Variants in ABCG5 observed in about 807,000 individuals in gnomAD.
The protein encoded by ABCG5 is ATP-binding cassette sub-family G member 5.
A neutral mutation model predicts 64.5 loss-of-function variants in ABCG5; 64 were observed. The observed-to-expected ratio is 0.99, with a 90% CI of 0.81 to 1.22. The LOEUF (loss-of-function observed/expected upper bound fraction) is 1.22, where lower values mean the gene tolerates loss of function less well. Among genes scored for constraint, ABCG5 ranks in the 50% most tolerant of loss-of-function variants. The probability of loss-of-function intolerance (pLI) is 0.00; values close to 1 mark genes in which losing one functional copy is unlikely to be tolerated. For missense variants in ABCG5, 908 were observed against 829.5 expected, an observed-to-expected ratio of 1.09 and a Z score of -1.16; for synonymous variants, 385 against 326.3, an observed-to-expected ratio of 1.18 and a Z score of -1.94.
At chr2:43,811,739 C>A (rs182279422), downstream of ABCG5, among the ~76,000 whole-genome samples, 3 of 152,002 alleles carry the variant, frequency 2.0e-5, no homozygotes, top group African/African-American at 7.2e-5. Flanking sequence ...GGACTACAGG[C>A]GCCTGCCACC....
chr2:43,825,099 G>C (rs1376603566), intron 6 of ABCG5, 81 bp from the exon 7 acceptor site: 5 of 1,552,870 alleles, frequency 3.2e-6, no homozygotes, highest in Non-Finnish European at 4.4e-6. Context: ...CACTGATGCA[G>C]GGCCAAGGTC....
intron 4 of ABCG5, among the ~76,000 whole-genome samples, chr2:43,830,363 AG>A (rs1278379919): frequency 6.6e-6 from 1 of 152,238 alleles, no homozygotes; most frequent in Non-Finnish European, 1.5e-5. Context: ...TATTTTTTAT[AG>A]AGGAGAAAAC....
At position 43,824,977 on chromosome 2, in the gene ABCG5, A is replaced by T; in HGVS notation, c.816T>A (p.Ile272=). 1 of 1,614,046 alleles carries T rather than the reference A, an allele frequency of 6.2e-7. No homozygotes were observed. Among genetic ancestry groups the T allele is most frequent in the Non-Finnish European group, 8.5e-7 (1 of 1,179,954 alleles). The change falls in exon 7 of 13, where the codon ATT becomes ATA. Residue 272 remains isoleucine (I), a synonymous_variant. Coordinates refer to ENST00000405322, the MANE Select transcript of ABCG5 (RefSeq NM_022436.3). The stretch of plus-strand genomic sequence containing the variant: ...GCATTTCCGCTGGCGTGCCACAGAA[A>T]ATCAGCTCTCCGAAGCTCAGGATGG... The part of the protein sequence containing the change: ...KIAILSFGEL[I]FCGTPAEMLD...
intron 10 of ABCG5, 78 bp downstream of exon 10, chr2:43,822,719 G>C: frequency 6.7e-7 from 1 of 1,492,712 alleles, no homozygotes; most frequent in Non-Finnish European, 9.0e-7. Context: ...CTTCACCCTG[G>C]AGCTCTCCCT....
chr2:43,815,043 A>G (rs1666726002), intron 11 of ABCG5, among the ~76,000 whole-genome samples: 1 of 152,228 alleles, frequency 6.6e-6, no homozygotes, highest in African/African-American at 2.4e-5. Context: ...CTACTGATAT[A>G]AACGTACAAG....
chr2:43,832,832 CTGAG>C (rs1247475799), intron 2 of ABCG5, among the ~76,000 whole-genome samples: 5 of 152,188 alleles, frequency 3.3e-5, no homozygotes, highest in Non-Finnish European at 7.3e-5. Flanking sequence ...TTGAGTGAGA[CTGAG>C]TGTCACTCTG....
the ABCG5 span, among the ~76,000 whole-genome samples, chr2:43,807,101 C>G: frequency 6.6e-6 from 1 of 152,050 alleles, no homozygotes; most frequent in African/African-American, 2.4e-5. Flanking sequence ...TTTTGACATT[C>G]TACTATATAA....
intron 5 of ABCG5, among the ~76,000 whole-genome samples, chr2:43,827,231 A>G (rs781769017): frequency 2.0e-5 from 3 of 151,860 alleles, no homozygotes; most frequent in Admixed American, 6.6e-5. Context: ...AGGCTGAGGC[A>G]GGAGAATCGC....
chr2:43,830,203 C>G (rs556300820), intron 4 of ABCG5, among the ~76,000 whole-genome samples: 1 of 152,226 alleles, frequency 6.6e-6, no homozygotes, highest in Non-Finnish European at 1.5e-5. Context: ...CAGGAATGCT[C>G]TCCCACATTT....
In ABCG5 at chr2:43,824,878, G is replaced by T; in HGVS notation, c.904+11C>A. The T allele has an allele frequency of 6.2e-7, 1 of 1,613,712 alleles. No individual in the cohort carries two copies. The highest frequency in any genetic ancestry group is 8.5e-7 in the Non-Finnish European group (1 of 1,179,750). On this transcript the variant is annotated intron_variant, in intron 7 of 12. Transcript: ENST00000405322. ...AACATTCATGATGGGGAATGTGAAA[G>T]AAAAACTTACTATAGAAGTCAAAAG...
downstream of ABCG5, among the ~76,000 whole-genome samples, chr2:43,810,790 G>A (rs994696955): frequency 6.6e-6 from 1 of 152,150 alleles, no homozygotes; most frequent in Admixed American, 6.5e-5. Context: ...CTTGCTGAGT[G>A]CTATGGAAAA....
intron 10 of ABCG5, among the ~76,000 whole-genome samples, chr2:43,820,594 C>T (rs1257117848): frequency 6.6e-6 from 1 of 152,166 alleles, no homozygotes; most frequent in Non-Finnish European, 1.5e-5. Flanking sequence ...GGTTAGCCCT[C>T]CCCAGCCCTA....
At chr2:43,830,301 C>A (rs997005233) in intron 4 of ABCG5, among the ~76,000 whole-genome samples, 2 of 152,218 alleles carry the variant, frequency 1.3e-5, no homozygotes, top group African/African-American at 4.8e-5. Flanking sequence ...TGTGCTTTCA[C>A]GTAATCTGAT....
At chr2:43,809,562 A>G, downstream of ABCG5, 1 of 672,648 alleles carries the variant, frequency 1.5e-6, no homozygotes, top group Non-Finnish European at 2.6e-6. Flanking sequence ...AATCATTTAC[A>G]AAATAATTGG....
In ABCG5 at chr2:43,838,548, G is replaced by A. The variant is rs1668430523; in HGVS notation, c.132C>T (p.Ser44=). Residue 44 remains serine, a synonymous_variant, in exon 1 of 13, where the codon TCC becomes TCT. Transcript: ENST00000405322. The surrounding 1 kb of genome is among the most constrained non-coding windows in gnomAD (Gnocchi z 4.2). ...GGGCTCTGCCTTACCTGACGCTGTA[G>A]GAGGCATGGAGGATGCCCAGGCTGT... The part of the protein sequence containing the change: ...EPHSLGILHA[S]YSVSHRVRPW... 1 of 1,605,476 alleles carries A rather than the reference G, an allele frequency of 6.2e-7. No homozygotes were observed. The highest frequency in any genetic ancestry group is 8.5e-7 in the Non-Finnish European group (1 of 1,176,652).
intron 7 of ABCG5, chr2:43,824,649 T>A (rs930258995): frequency 2.3e-5 from 23 of 985,070 alleles, no homozygotes; most frequent in Non-Finnish European, 2.8e-5. Context: ...GAAGCTCAGC[T>A]AATTATGCTC....
In ABCG5 at chr2:43,812,597, C is replaced by T. The variant is rs1272570372; in HGVS notation, c.*519G>A. On this transcript the variant is annotated 3_prime_UTR_variant, in exon 13 of 13. Coordinates refer to ENST00000405322, the MANE Select transcript of ABCG5 (RefSeq NM_022436.3). Reference sequence around the variant, plus strand: ...TCTCGATGTGATCAGGTAACTCCGACCCCTCGTGTGGACATCTGCATTTAA... The same window carrying T: ...TCTCGATGTGATCAGGTAACTCCGATCCCTCGTGTGGACATCTGCATTTAA... 5.9e-6 allele frequency: 1 copy of T among 170,336 alleles called. No homozygotes were observed. Among genetic ancestry groups the T allele is most frequent in the Non-Finnish European group, 1.3e-5 (1 of 78,768 alleles). 10.6% of individuals were successfully genotyped at this position (170,336 alleles called of 1,614,324 possible). A position where few individuals can be genotyped will look rare whatever the true frequency, so the allele number is the denominator to read the frequency against.
At chr2:43,815,747 G>T (rs763642094) in intron 11 of ABCG5, among the ~76,000 whole-genome samples, 20 of 152,128 alleles carry the variant, frequency 1.3e-4, no homozygotes, top group Admixed American at 1.3e-4. Context: ...TGGGAGGGGA[G>T]CTCGGAACAA....
At position 43,819,935 on chromosome 2, in the gene ABCG5, A is replaced by T. The variant is rs1394341666; in HGVS notation, c.1629T>A (p.Leu543=). 1.2e-6 allele frequency: 2 copies of T among 1,614,046 alleles called. No individual in the cohort carries two copies. Among genetic ancestry groups the T allele is most frequent in the Admixed American group, 1.7e-5 (1 of 60,004 alleles). ...CTTACCTGAGGAATCCAGATCCAAC[A>T]AGCACCCCCGCAATGGACAGCAGAG... The part of the protein sequence containing the change: ...VVALLSIAGV[L]VGSGFLRNIQ... Residue 543 remains leucine (L), a synonymous_variant, in exon 11 of 13, where the codon CTT becomes CTA. Transcript: ENST00000405322.
Sources: gnomAD v4.1 joint callset for allele counts (sites outside exome capture counted in the v4.1 genomes callset) on GRCh38, gnomAD v4.1.1 for gene constraint, Gnocchi (gnomAD v3.1) non-coding constraint, MANE v1.5 for transcripts, NCBI Gene and HGNC (gene_info 2026-07-23, HGNC 2026-07-21) for gene names.